The following DHX57 variants were observed in gnomAD, a reference collection of about 807,000 sequenced individuals.
The protein encoded by DHX57 is putative ATP-dependent RNA helicase DHX57.
A neutral mutation model predicts 156.2 loss-of-function variants in DHX57; 105 were observed. The observed-to-expected ratio is 0.67, with a 90% CI of 0.57 to 0.79. The LOEUF is 0.79. Ranked by LOEUF, DHX57 falls within the 30% of genes least tolerant of loss-of-function variation. DHX57 has a pLI of 0.00. For synonymous variants in DHX57, 704 were observed against 595.6 expected (o/e 1.18, Z -2.65); for missense variants, 1,847 against 1,661.9 (o/e 1.11, Z -1.94).
intron 12 of DHX57, among the ~76,000 whole-genome samples, chr2:38,842,040 C>T (rs1017089501): frequency 3.9e-5 from 6 of 152,138 alleles, no homozygotes; most frequent in African/African-American, 1.2e-4. Flanking sequence ...AGGGAGAAAC[C>T]TAGCAAACAT....
intron 7 of DHX57, among the ~76,000 whole-genome samples, chr2:38,855,801 A>C (rs1359750448): frequency 2.0e-5 from 3 of 152,196 alleles, no homozygotes; most frequent in African/African-American, 7.2e-5. Context: ...AGTTGTTTTT[A>C]AAAGAAAAAT....
chr2:38,808,377 ATG>A (rs1185441666), intron 21 of DHX57, among the ~76,000 whole-genome samples: 2 of 152,188 alleles, frequency 1.3e-5, no homozygotes, highest in African/African-American at 4.8e-5. Flanking sequence ...GAAAATAAAC[ATG>A]TCTTGAAACT....
At chr2:38,806,386 G>C (rs1348852905) in intron 22 of DHX57, 173 bp downstream of exon 22, 5 of 671,170 alleles carry the variant, frequency 7.4e-6, no homozygotes, top group Non-Finnish European at 1.2e-5. Flanking sequence ...AATGGAAATA[G>C]TCTTTCCAGA....
At chr2:38,868,120 T>A in intron 2 of DHX57, 62 bp downstream of exon 2, 1 of 1,576,690 alleles carries the variant, frequency 6.3e-7, no homozygotes, top group Non-Finnish European at 8.7e-7. Flanking sequence ...AGCCATCTGT[T>A]GTCCCATACA....
intron 9 of DHX57, chr2:38,853,276 T>C (rs1277049966): frequency 6.6e-6 from 1 of 151,846 alleles, no homozygotes; most frequent in Non-Finnish European, 1.5e-5. Context: ...TGGCTATTTT[T>C]TGTTTTGTTT....
chr2:38,866,940 C>T (rs1461727003), intron 2 of DHX57, among the ~76,000 whole-genome samples: 1 of 152,158 alleles, frequency 6.6e-6, no homozygotes, highest in East Asian at 1.9e-4. Flanking sequence ...TATCCCTAGG[C>T]CTTCACATTC....
intron 21 of DHX57, among the ~76,000 whole-genome samples, chr2:38,813,325 T>C (rs1252290875): frequency 1.3e-5 from 2 of 152,166 alleles, no homozygotes; most frequent in Non-Finnish European, 2.9e-5. Flanking sequence ...TGTTATTGAA[T>C]AATGTATCCA....
At chr2:38,837,760 G>A (rs1264693453) in intron 13 of DHX57, 71 bp downstream of exon 13, 1 of 919,324 alleles carries the variant, frequency 1.1e-6, no homozygotes, top group African/African-American at 1.6e-5. Flanking sequence ...AAGCACTCAT[G>A]AATAGACTCC....
At chr2:38,833,622 A>G (rs1326292242) in intron 13 of DHX57, among the ~76,000 whole-genome samples, 1 of 152,206 alleles carries the variant, frequency 6.6e-6, no homozygotes, top group African/African-American at 2.4e-5. Context: ...CCGGGATGGG[A>G]AGACAGTGAG....
At chr2:38,848,239 G>C in intron 10 of DHX57, 30 bp downstream of exon 10, 1 of 1,552,206 alleles carries the variant, frequency 6.4e-7, no homozygotes, top group Non-Finnish European at 8.7e-7. Context: ...TTATTAGAAT[G>C]ATACATATTT....
At chr2:38,806,516 C>G in intron 22 of DHX57, 43 bp downstream of exon 22, 1 of 1,600,550 alleles carries the variant, frequency 6.2e-7, no homozygotes, top group Non-Finnish European at 8.5e-7. Context: ...ATTTCCTACC[C>G]CAGGACGACC....
intron 5 of DHX57, among the ~76,000 whole-genome samples, chr2:38,859,670 G>C (rs1005791480): frequency 7.2e-5 from 11 of 152,146 alleles, no homozygotes; most frequent in Non-Finnish European, 1.3e-4. Flanking sequence ...TGGTTAGTGA[G>C]TGAATCTGGC....
chr2:38,874,661 G>C (rs1035822775), intron 1 of DHX57, among the ~76,000 whole-genome samples: 1 of 151,946 alleles, frequency 6.6e-6, no homozygotes, highest in African/African-American at 2.4e-5. Flanking sequence ...CGCCCGCCTC[G>C]GCCTCCCACA....
intron 21 of DHX57, 90 bp from the exon 22 acceptor site, chr2:38,806,783 G>T: frequency 7.8e-7 from 1 of 1,279,966 alleles, no homozygotes; most frequent in Non-Finnish European, 1.1e-6. Context: ...AACCAGTCTT[G>T]CTCAGTCTTG....
rs778956499 is a variant in DHX57 at position 38,861,186 on chromosome 2, T to C, written c.1224A>G (p.Val408=). Residue 408 remains valine, a synonymous_variant, in exon 5 of 24, where the codon GTA becomes GTG. Coordinates refer to ENST00000457308, the MANE Select transcript of DHX57 (RefSeq NM_198963.3). The stretch of plus-strand genomic sequence containing the variant: ...CCTCTAAAAGGGTTATCAAAGAATA[T>C]ACGACAGGTTCCGAAGTTTCCGCAA... ...LTFAETSEPV[V]YSLITLLEEE... The C allele has an allele frequency of 1.2e-6, 2 of 1,614,150 alleles. No homozygotes were observed. Among genetic ancestry groups the C allele is most frequent in the East Asian group, 2.2e-5 (1 of 44,880 alleles).
chr2:38,807,079 G>A (rs1355075540), intron 21 of DHX57, among the ~76,000 whole-genome samples: 2 of 150,356 alleles, frequency 1.3e-5, no homozygotes, highest in Non-Finnish European at 3.0e-5. Context: ...TTTTGAGACC[G>A]AGTCTCACTC....
At chr2:38,870,252 G>C (rs1665290992) in intron 1 of DHX57, among the ~76,000 whole-genome samples, 1 of 151,956 alleles carries the variant, frequency 6.6e-6, no homozygotes, top group South Asian at 2.1e-4. Flanking sequence ...CATATAATGA[G>C]AATACCAGAA....
At chr2:38,846,594 G>A (rs1443309643) in intron 11 of DHX57, among the ~76,000 whole-genome samples, 2 of 146,190 alleles carry the variant, frequency 1.4e-5, no homozygotes, top group Non-Finnish European at 3.0e-5. Flanking sequence ...ACCAGCCTGG[G>A]CAACAGAGTA....
chr2:38,837,018 T>C (rs988783421), intron 13 of DHX57, among the ~76,000 whole-genome samples: 1 of 152,066 alleles, frequency 6.6e-6, no homozygotes, highest in African/African-American at 2.4e-5. Context: ...TGACTAATTT[T>C]TGCACTTTTT....
Sources: allele counts gnomAD v4.1 joint callset (sites outside exome capture counted in the v4.1 genomes callset), GRCh38; gene constraint gnomAD v4.1.1; transcripts MANE v1.5; gene names NCBI Gene and HGNC (gene_info 2026-07-23, HGNC 2026-07-21).